Variants in ATP11B observed in about 807,000 individuals in gnomAD.
ATP11B encodes phospholipid-transporting ATPase IF.
ATP11B carries 81 observed loss-of-function variants against 157.8 expected under a neutral mutation model. That is an observed-to-expected ratio of 0.51 (90% confidence interval 0.43 to 0.62). The LOEUF is 0.62. Among genes scored for constraint, ATP11B ranks in the 20% least tolerant of loss-of-function variants. ATP11B has a pLI of 0.00. For missense variants in ATP11B, 1,165 were observed against 1,402.2 expected (o/e 0.83, Z 2.70); for synonymous variants, 451 against 469.4 (o/e 0.96, Z 0.51).
chr3:182,899,253 T>C (rs79207877), intron 28 of ATP11B, among the ~76,000 whole-genome samples: 43,277 of 150,758 alleles, frequency 0.29, 6,658 homozygotes, highest in East Asian at 0.56. Flanking sequence ...CCTCCTGGGT[T>C]CAAGCAATTC....
chr3:182,837,228 T>G, intron 7 of ATP11B, 54 bp downstream of exon 7: 2 of 1,260,736 alleles, frequency 1.6e-6, no homozygotes, highest in Non-Finnish European at 2.2e-6. Flanking sequence ...AGACCTCATT[T>G]TTAAATAACC....
intron 2 of ATP11B, among the ~76,000 whole-genome samples, chr3:182,821,892 C>T (rs1717375170): frequency 6.6e-6 from 1 of 152,186 alleles, no homozygotes; most frequent in Non-Finnish European, 1.5e-5. Flanking sequence ...AAGCAACTAA[C>T]ATCTTTTCTC....
At chr3:182,835,740 A>C (rs1297191251) in intron 4 of ATP11B, among the ~76,000 whole-genome samples, 2 of 152,186 alleles carry the variant, frequency 1.3e-5, no homozygotes, top group Non-Finnish European at 2.9e-5. Flanking sequence ...CTTAGTGAGA[A>C]AGAGGAATGT....
chr3:182,839,452 A>G lies in ATP11B; in HGVS notation c.656+2278A>G, dbSNP rs147166769. On this transcript the variant is annotated intron_variant, in intron 7 of 29. Coordinates refer to ENST00000323116, the MANE Select transcript of ATP11B (RefSeq NM_014616.3). ...AATGTTTAAATAAATGTGTGTATAT[A>G]TGTACTAAATAGGTAGTTAGGTGAC... is the stretch of plus-strand genomic sequence containing the variant. Among the ~76,000 whole-genome samples the G allele has an allele frequency of 2.4e-4, 37 of 152,288 alleles. No homozygotes were observed. In the East Asian group the frequency reaches 6.9e-3, roughly 29 times the overall value.
At chr3:182,867,333 T>G in intron 14 of ATP11B, 43 bp from the exon 15 acceptor site, 1 of 1,127,292 alleles carries the variant, frequency 8.9e-7, no homozygotes, top group Non-Finnish European at 1.3e-6. Flanking sequence ...AAATATGCAG[T>G]ATTATTTCTT....
At position 182,851,035 on chromosome 3, in the gene ATP11B, G is replaced by A. The variant is rs148578306; in HGVS notation, c.851+2478G>A. On this transcript the variant is annotated intron_variant, in intron 10 of 29. Coordinates refer to ENST00000323116, the MANE Select transcript of ATP11B (RefSeq NM_014616.3). Reference sequence around the variant, plus strand: ...GACACTTCATTAGTGGCACACACCCGTAATCCCAGCACTTTGGGAGGCTGA... The same window carrying A: ...GACACTTCATTAGTGGCACACACCCATAATCCCAGCACTTTGGGAGGCTGA... Among the ~76,000 whole-genome samples, 322 of 152,312 alleles carry A rather than the reference G, an allele frequency of 2.1e-3. 3 individuals carry two copies. The highest frequency in any genetic ancestry group is 0.01 in the Middle Eastern group (3 of 294).
Position 182,816,993 on chromosome 3 carries a change from A to G in ATP11B, c.28-3267A>G, listed in dbSNP as rs115794023. On this transcript the variant is annotated intron_variant, in intron 1 of 29. Coordinates refer to ENST00000323116, the MANE Select transcript of ATP11B (RefSeq NM_014616.3). ...GGACATTTGGCTGTACTTATACTATAGACACATATATTAAATTTACCTATT... is the reference window on the plus strand; with the variant it reads ...GGACATTTGGCTGTACTTATACTATGGACACATATATTAAATTTACCTATT... 5.4e-3 allele frequency among the ~76,000 whole-genome samples: 824 copies of G among 152,340 alleles called. 10 individuals carry two copies. The highest frequency in any genetic ancestry group is 0.019 in the African/African-American group (783 of 41,566).
chr3:182,894,164 C>T (rs138835629), intron 25 of ATP11B, among the ~76,000 whole-genome samples: 1 of 152,140 alleles, frequency 6.6e-6, no homozygotes, highest in East Asian at 1.9e-4. Flanking sequence ...TTCTGCAGTG[C>T]AGAAGCTTTT....
chr3:182,887,086 T>TG (rs1376284905), intron 23 of ATP11B, among the ~76,000 whole-genome samples: 1 of 152,194 alleles, frequency 6.6e-6, no homozygotes, highest in Non-Finnish European at 1.5e-5. Flanking sequence ...CAGTGGTACC[T>TG]GTGACTGTTT....
chr3:182,886,291 T>TTGTGA (rs1722787037), intron 23 of ATP11B, among the ~76,000 whole-genome samples: 2 of 152,168 alleles, frequency 1.3e-5, no homozygotes, highest in Non-Finnish European at 2.9e-5. Flanking sequence ...TTTTGATAAC[T>TTGTGA]TATTTGTGAT....
intron 24 of ATP11B, among the ~76,000 whole-genome samples, chr3:182,888,472 G>A (rs1460055328): frequency 6.6e-6 from 1 of 152,122 alleles, no homozygotes; most frequent in Non-Finnish European, 1.5e-5. Flanking sequence ...TATAATAACA[G>A]ATAAATCAAC....
chr3:182,842,060 T>C lies in ATP11B; in HGVS notation c.657-15T>C. The C allele has an allele frequency of 5.1e-6, 8 of 1,582,332 alleles. No individual in the cohort carries two copies. The highest frequency in any genetic ancestry group is 6.9e-6 in the Non-Finnish European group (8 of 1,154,114). On this transcript the variant is annotated splice_polypyrimidine_tract_variant and intron_variant, in intron 7 of 29. Coordinates refer to ENST00000323116, the MANE Select transcript of ATP11B (RefSeq NM_014616.3). ...AGTGATATTATATGTTTTTGTAATGTGAATTTTTTGATAGATTCATGGGAC... is the reference window on the plus strand; with the variant it reads ...AGTGATATTATATGTTTTTGTAATGCGAATTTTTTGATAGATTCATGGGAC...
At chr3:182,869,920 C>G (rs1320858924) in intron 17 of ATP11B, among the ~76,000 whole-genome samples, 3 of 152,176 alleles carry the variant, frequency 2.0e-5, no homozygotes, top group African/African-American at 7.2e-5. Context: ...TATCAGTCAG[C>G]TGTTAAGAGG....
At chr3:182,881,909 G>A (rs1722454377) in intron 21 of ATP11B, among the ~76,000 whole-genome samples, 1 of 152,110 alleles carries the variant, frequency 6.6e-6, no homozygotes, top group African/African-American at 2.4e-5. Context: ...ATCTCAAGTA[G>A]TTTTCTCATT....
intron 1 of ATP11B, among the ~76,000 whole-genome samples, chr3:182,800,743 C>T (rs1033798972): frequency 7.3e-5 from 11 of 150,352 alleles, no homozygotes; most frequent in African/African-American, 2.0e-4. Context: ...TTTTAATTTT[C>T]GTATTTTCTT....
chr3:182,818,948 C>A (rs942410659), intron 1 of ATP11B, among the ~76,000 whole-genome samples: 1 of 150,390 alleles, frequency 6.6e-6, no homozygotes, highest in African/African-American at 2.4e-5. Context: ...AAGAAAAAAA[C>A]CTAAGGAATT....
At chr3:182,838,521 A>G (rs892401456) in intron 7 of ATP11B, among the ~76,000 whole-genome samples, 1 of 152,148 alleles carries the variant, frequency 6.6e-6, no homozygotes, top group African/African-American at 2.4e-5. Flanking sequence ...AAATATAAGT[A>G]AAATGTAATC....
In ATP11B at chr3:182,914,064, T is replaced by C. The variant is rs181551200; in HGVS notation, c.3452+70T>C. ...ATCTGGAACAGGATGAACCTGCCGC[T>C]CTAGATACCTAATAAATCAGCAGCT... On this transcript the variant is annotated intron_variant, in intron 29 of 29. Transcript: ENST00000323116. The C allele has an allele frequency of 2.3e-4, 361 of 1,580,714 alleles. No homozygotes were observed. The African/African-American group carries it at 4.3e-3, about 19-fold the overall frequency.
chr3:182,803,701 C>T (rs1716149858), intron 1 of ATP11B, among the ~76,000 whole-genome samples: 1 of 152,158 alleles, frequency 6.6e-6, no homozygotes, highest in South Asian at 2.1e-4. Context: ...AATTTGTTTT[C>T]TCCCGTATAG....
Sources: allele counts gnomAD v4.1 joint callset (sites outside exome capture counted in the v4.1 genomes callset), GRCh38; gene constraint gnomAD v4.1.1; transcripts MANE v1.5; gene names NCBI Gene and HGNC (gene_info 2026-07-23, HGNC 2026-07-21).